SCUBE1: variants seen among roughly 807,000 people sequenced by gnomAD.
SCUBE1 encodes signal peptide, CUB and EGF-like domain-containing protein 1.
SCUBE1 carries 59 observed loss-of-function variants against 124.4 expected under a neutral mutation model. The observed-to-expected ratio is 0.47, with a 90% CI of 0.38 to 0.59. SCUBE1 has a LOEUF of 0.59. SCUBE1 is among the 20% of genes least tolerant of loss of function. SCUBE1 has a pLI of 0.00. For missense variants in SCUBE1, 1,150 were observed against 1,371.2 expected, an observed-to-expected ratio of 0.84 and a Z score of 2.55; for synonymous variants, 545 against 550.9, an observed-to-expected ratio of 0.99 and a Z score of 0.15.
chr22:43,271,590 C>T (rs1275708807), intron 4 of SCUBE1, among the ~76,000 whole-genome samples: 3 of 152,080 alleles, frequency 2.0e-5, no homozygotes, highest in South Asian at 2.1e-4. Context: ...GAGAGCCTCT[C>T]GCGGTGCGGC....
intron 4 of SCUBE1, among the ~76,000 whole-genome samples, chr22:43,286,763 C>G (rs1176693678): frequency 1.3e-5 from 2 of 151,434 alleles, no homozygotes; most frequent in Non-Finnish European, 2.9e-5. Context: ...GGCAGAGCAC[C>G]TGGCACACGA....
chr22:43,206,203 C>T (rs1921269319), intron 21 of SCUBE1, among the ~76,000 whole-genome samples: 1 of 145,258 alleles, frequency 6.9e-6, no homozygotes, highest in Admixed American at 6.8e-5. Context: ...CACTACACCC[C>T]ACACACACCC....
chr22:43,341,488 A>C (rs1234764251), intron 1 of SCUBE1, among the ~76,000 whole-genome samples: 1 of 151,956 alleles, frequency 6.6e-6, no homozygotes, highest in African/African-American at 2.4e-5. Flanking sequence ...TGTAGGAATG[A>C]GGGGTGGGAG....
At chr22:43,218,825 A>G (rs1164399240) in intron 14 of SCUBE1, among the ~76,000 whole-genome samples, 2 of 152,168 alleles carry the variant, frequency 1.3e-5, no homozygotes, top group Non-Finnish European at 2.9e-5. Context: ...CTTGAATCCA[A>G]GGCCCTTCAA....
At chr22:43,248,765 C>T (rs1923319469) in intron 6 of SCUBE1, among the ~76,000 whole-genome samples, 1 of 152,228 alleles carries the variant, frequency 6.6e-6, no homozygotes, top group South Asian at 2.1e-4. Flanking sequence ...CTCACCAGCA[C>T]TCAGACCTGC....
chr22:43,198,337 G>T lies in SCUBE1; in HGVS notation c.*5660C>A. On this transcript the variant is annotated 3_prime_UTR_variant, in exon 22 of 22. Transcript: ENST00000360835. ...CTGGAGAGGCCTTGAGGCCATCGCA[G>T]CAGATGCTGGGAGGGCACGCAGGCC... 2.8e-6 allele frequency: 1 copy of T among 359,586 alleles called. No individual in the cohort carries two copies. The highest frequency in any genetic ancestry group is 2.1e-5 in the South Asian group (1 of 48,364). 22.3% of individuals were successfully genotyped at this position (359,586 alleles called of 1,614,324 possible).
intron 4 of SCUBE1, among the ~76,000 whole-genome samples, chr22:43,289,958 G>A (rs555695450): frequency 6.6e-6 from 1 of 152,280 alleles, no homozygotes; most frequent in East Asian, 1.9e-4. Flanking sequence ...CTCTATGCCC[G>A]CAAGCCTCCA....
At chr22:43,227,877 T>C (rs1434650111) in intron 9 of SCUBE1, among the ~76,000 whole-genome samples, 2 of 152,184 alleles carry the variant, frequency 1.3e-5, no homozygotes, top group Admixed American at 1.3e-4. Context: ...AGCCCTTTTC[T>C]AGCCCCGGGT....
intron 3 of SCUBE1, among the ~76,000 whole-genome samples, chr22:43,314,550 T>C (rs1260561287): frequency 2.0e-5 from 3 of 152,124 alleles, no homozygotes; most frequent in African/African-American, 4.8e-5. Flanking sequence ...AACACACGCC[T>C]ACCACTCCAC....
At position 43,218,340 on chromosome 22, in the gene SCUBE1, C is replaced by T; in HGVS notation, c.1806G>A (p.Glu602=). 6.2e-7 allele frequency: 1 copy of T among 1,613,504 alleles called. No individual in the cohort carries two copies. The highest frequency in any genetic ancestry group is 8.5e-7 in the Non-Finnish European group (1 of 1,180,042). The part of the protein sequence containing the change: ...QQFYVQVSGT[E]YEVAQRPAKA... ...TGGCTGGCCTCTGGGCTACCTCGTACTCAGTGCCTGAGACCTGGACATAGA... is the reference window on the plus strand; with the variant it reads ...TGGCTGGCCTCTGGGCTACCTCGTATTCAGTGCCTGAGACCTGGACATAGA... Residue 602 remains glutamate (E), a synonymous_variant, in exon 15 of 22, where the codon GAG becomes GAA. Coordinates refer to ENST00000360835, the MANE Select transcript of SCUBE1 (RefSeq NM_173050.5).
At chr22:43,252,672 C>T (rs1339119679) in intron 6 of SCUBE1, among the ~76,000 whole-genome samples, 1 of 152,230 alleles carries the variant, frequency 6.6e-6, no homozygotes, top group Non-Finnish European at 1.5e-5. Flanking sequence ...ATCTCTCCCA[C>T]AGGCCAGCAA....
intron 4 of SCUBE1, among the ~76,000 whole-genome samples, chr22:43,264,410 G>A (rs907465832): frequency 1.3e-5 from 2 of 152,202 alleles, no homozygotes; most frequent in Non-Finnish European, 2.9e-5. Context: ...TCTTGAGGCC[G>A]GTGTCTCTCC....
rs1288681932 is a variant in SCUBE1 at position 43,343,160 on chromosome 22, G to T, written c.88+14C>A. 18 of 1,147,018 alleles carry T rather than the reference G, an allele frequency of 1.6e-5. No homozygotes were observed. Among genetic ancestry groups the T allele is most frequent in the African/African-American group, 3.3e-5 (2 of 60,898 alleles). The allele number at this position is 1,147,018 out of a possible 1,614,324, so 71.1% of individuals were successfully genotyped here. A position where few individuals can be genotyped will look rare whatever the true frequency, so the allele number is the denominator to read the frequency against. On this transcript the variant is annotated intron_variant, in intron 1 of 21. Coordinates refer to ENST00000360835, the MANE Select transcript of SCUBE1 (RefSeq NM_173050.5). ...CCCCGCGCCCGCCGCCCCCCACCTC[G>T]GTCGGGGGCTTACCTGGGAGCCCGC...
chr22:43,218,772 T>C (rs17418574), intron 14 of SCUBE1, among the ~76,000 whole-genome samples: 15,723 of 152,216 alleles, frequency 0.1, 921 homozygotes, highest in Admixed American at 0.17. Context: ...CAAAGACTCT[T>C]GGGGACTGCC....
chr22:43,218,582 A>G (rs5759218), intron 14 of SCUBE1, 124 bp from the exon 15 acceptor site: 261,667 of 953,954 alleles, frequency 0.27, 41,268 homozygotes, highest in African/African-American at 0.52. Context: ...ACATTCTCAC[A>G]ACAGTCCTGG....
intron 6 of SCUBE1, among the ~76,000 whole-genome samples, chr22:43,257,956 G>A (rs1252004190): frequency 1.3e-5 from 2 of 152,196 alleles, no homozygotes; most frequent in African/African-American, 2.4e-5. Flanking sequence ...TGCTGCTAGG[G>A]AGCCCACGTC....
intron 6 of SCUBE1, among the ~76,000 whole-genome samples, chr22:43,241,479 C>T (rs1015567084): frequency 3.3e-5 from 5 of 152,246 alleles, no homozygotes; most frequent in Middle Eastern, 3.4e-3. Flanking sequence ...AGTCTAACCC[C>T]CTTGGCTCCT....
rs994795786 is a variant in SCUBE1, at chr22:43,211,733, G to C, written c.2222-650C>G. ...GAGACAGGGTTTTGCCATGCTAGCCGGGCTGGCCTCAAACTTCTGACCTCA... is the reference window on the plus strand; with the variant it reads ...GAGACAGGGTTTTGCCATGCTAGCCCGGCTGGCCTCAAACTTCTGACCTCA... On this transcript the variant is annotated intron_variant, in intron 17 of 21. Transcript: ENST00000360835. The surrounding 1 kb of genome is among the most constrained non-coding windows in gnomAD (Gnocchi z 4.5). Among the ~76,000 whole-genome samples, 2 of 152,002 alleles carry C rather than the reference G, an allele frequency of 1.3e-5. No homozygotes were observed. Among genetic ancestry groups the C allele is most frequent in the Non-Finnish European group, 2.9e-5 (2 of 67,998 alleles).
chr22:43,323,708 C>T (rs149819004), intron 2 of SCUBE1, among the ~76,000 whole-genome samples: 6 of 152,240 alleles, frequency 3.9e-5, no homozygotes, highest in African/African-American at 7.2e-5. Context: ...TGTACACTCA[C>T]GCTCATGCAC....
Sources: allele counts gnomAD v4.1 joint callset (sites outside exome capture counted in the v4.1 genomes callset), GRCh38; gene constraint gnomAD v4.1.1; non-coding constraint Gnocchi (gnomAD v3.1); transcripts MANE v1.5; gene names NCBI Gene and HGNC (gene_info 2026-07-23, HGNC 2026-07-21).